The following PXDNL variants were observed in gnomAD, a reference collection of about 807,000 sequenced individuals.
The protein encoded by PXDNL is probable oxidoreductase PXDNL.
Under a neutral mutation model 150.8 loss-of-function variants are expected in PXDNL, and 145 were observed. The observed-to-expected ratio is 0.96, with a 90% confidence interval of 0.84 to 1.10. The LOEUF (loss-of-function observed/expected upper bound fraction) is 1.10. PXDNL is among the 50% of genes least tolerant of loss of function. The pLI is 0.00. For missense variants in PXDNL, 2,087 were observed against 1,873.9 expected (o/e 1.11, Z -2.10); for synonymous variants, 757 against 725.7 (o/e 1.04, Z -0.69).
At chr8:51,552,178 A>ATATCAGAT (rs1270045299) in intron 4 of PXDNL, among the ~76,000 whole-genome samples, 2 of 152,186 alleles carry the variant, frequency 1.3e-5, no homozygotes, top group African/African-American at 4.8e-5. Flanking sequence ...AAACCAAAAA[A>ATATCAGAT]TATCAGATGT....
chr8:51,342,879 CAAAA>C (rs35948794), intron 20 of PXDNL, among the ~76,000 whole-genome samples: 14 of 90,218 alleles, frequency 1.6e-4, no homozygotes, highest in Admixed American at 4.7e-4. Flanking sequence ...GATTAAGATT[CAAAA>C]AAAAAAAAAA....
chr8:51,591,767 C>T (rs932808379), intron 3 of PXDNL, among the ~76,000 whole-genome samples: 36 of 152,026 alleles, frequency 2.4e-4, no homozygotes, highest in Admixed American at 2.0e-3. Context: ...TACAGGTGCC[C>T]ACCACCATGC....
At chr8:51,425,821 CAA>C (rs984798421) in intron 13 of PXDNL, among the ~76,000 whole-genome samples, 2 of 113,728 alleles carry the variant, frequency 1.8e-5, no homozygotes, top group Admixed American at 9.2e-5. Context: ...GACTCCGTCT[CAA>C]AAAAAAAAAA....
chr8:51,746,633 A>C (rs1253477753), intron 1 of PXDNL, among the ~76,000 whole-genome samples: 1 of 152,194 alleles, frequency 6.6e-6, no homozygotes, highest in Non-Finnish European at 1.5e-5. Context: ...TGTGGTATTA[A>C]GGAGGTGGAT....
chr8:51,487,129 T>C (rs369991634), intron 5 of PXDNL, among the ~76,000 whole-genome samples: 1 of 152,054 alleles, frequency 6.6e-6, no homozygotes, highest in Non-Finnish European at 1.5e-5. Flanking sequence ...TGCTGTCTTC[T>C]GTCAAAGATG....
chr8:51,377,584 C>T (rs567588130), intron 17 of PXDNL, among the ~76,000 whole-genome samples: 3 of 152,348 alleles, frequency 2.0e-5, no homozygotes, highest in Non-Finnish European at 2.9e-5. Flanking sequence ...TCCGGGTGGG[C>T]GTGGGCTCAG....
intron 20 of PXDNL, among the ~76,000 whole-genome samples, chr8:51,344,456 T>C (rs1239008352): frequency 1.3e-5 from 2 of 152,090 alleles, no homozygotes; most frequent in Non-Finnish European, 2.9e-5. Flanking sequence ...TTTGCTCATG[T>C]TGTTCTTTCA....
At chr8:51,613,248 A>G (rs1224508466) in intron 2 of PXDNL, among the ~76,000 whole-genome samples, 1 of 152,018 alleles carries the variant, frequency 6.6e-6, no homozygotes, top group African/African-American at 2.4e-5. Flanking sequence ...AGGGATGTGA[A>G]GATGTTAAGC....
intron 4 of PXDNL, among the ~76,000 whole-genome samples, chr8:51,524,152 T>A (rs1811719000): frequency 6.6e-6 from 1 of 152,186 alleles, no homozygotes; most frequent in South Asian, 2.1e-4. Context: ...TCATACCTGA[T>A]ATATGACCTA....
chr8:51,359,280 A>T (rs1806634584), intron 19 of PXDNL, among the ~76,000 whole-genome samples: 1 of 142,790 alleles, frequency 7.0e-6, no homozygotes, highest in Non-Finnish European at 1.5e-5. Flanking sequence ...AGTAACAATA[A>T]TAAATAATAA....
chr8:51,623,886 G>A (rs1814308675), intron 2 of PXDNL, among the ~76,000 whole-genome samples: 1 of 152,070 alleles, frequency 6.6e-6, no homozygotes, highest in Admixed American at 6.6e-5. Flanking sequence ...TTCAGGCCAG[G>A]AGTTGGAGAC....
At chr8:51,584,841 C>CA (rs1554555242) in intron 3 of PXDNL, among the ~76,000 whole-genome samples, 5 of 151,832 alleles carry the variant, frequency 3.3e-5, no homozygotes, top group Admixed American at 1.3e-4. Flanking sequence ...CTAATCAAGT[C>CA]TTTTTTTTAG....
chr8:51,737,884 C>G (rs1249769337), intron 1 of PXDNL, among the ~76,000 whole-genome samples: 1 of 152,124 alleles, frequency 6.6e-6, no homozygotes, highest in South Asian at 2.1e-4. Context: ...CTGTCCCTGT[C>G]GATTTGTGAA....
chr8:51,652,378 ATCTCTCTCTC>A (rs10560519), intron 2 of PXDNL, among the ~76,000 whole-genome samples: 3 of 141,672 alleles, frequency 2.1e-5, no homozygotes, highest in African/African-American at 2.7e-5. Context: ...CTAGACAGAA[ATCTCTCTCTC>A]TCTCTCTCTC....
chr8:51,417,363 C>T (rs1396023740), intron 14 of PXDNL, among the ~76,000 whole-genome samples: 1 of 152,176 alleles, frequency 6.6e-6, no homozygotes, highest in Non-Finnish European at 1.5e-5. Context: ...ATGAGGCTAT[C>T]ACTACTATTG....
chr8:51,780,120 G>T (rs897430157), intron 1 of PXDNL, among the ~76,000 whole-genome samples: 1 of 152,126 alleles, frequency 6.6e-6, no homozygotes, highest in African/African-American at 2.4e-5. Context: ...GCTGAGGCAG[G>T]AGAATCACTT....
At chr8:51,477,487 T>A (rs1585505462) in intron 6 of PXDNL, among the ~76,000 whole-genome samples, 1 of 152,202 alleles carries the variant, frequency 6.6e-6, no homozygotes, top group Admixed American at 6.5e-5. Context: ...GCCTCGGCTG[T>A]TCCTTGTCAC....
chr8:51,766,098 G>C (rs2037228873), intron 1 of PXDNL, among the ~76,000 whole-genome samples: 1 of 152,156 alleles, frequency 6.6e-6, no homozygotes, highest in South Asian at 2.1e-4. Flanking sequence ...GCCTCCCAAA[G>C]TGCTGGGATG....
At chr8:51,473,426 G>C (rs1438147646) in intron 7 of PXDNL, among the ~76,000 whole-genome samples, 1 of 152,122 alleles carries the variant, frequency 6.6e-6, no homozygotes, top group Non-Finnish European at 1.5e-5. Context: ...TGGGAAGGGG[G>C]TTTGAATGAA....
Sources: allele counts gnomAD v4.1 joint callset (sites outside exome capture counted in the v4.1 genomes callset), GRCh38; gene constraint gnomAD v4.1.1; transcripts MANE v1.5; gene names NCBI Gene and HGNC (gene_info 2026-07-23, HGNC 2026-07-21).